The following PABIR3 variants were observed in gnomAD, a reference collection of about 807,000 sequenced individuals.
PABIR3 encodes the protein PABIR family member 3.
Under a neutral mutation model 23.1 loss-of-function variants are expected in PABIR3, and 20 were observed. The observed-to-expected ratio is 0.86, with a 90% confidence interval of 0.61 to 1.26. The LOEUF is 1.26. Ranked by LOEUF, PABIR3 falls within the 50% of genes most tolerant of loss-of-function variation. PABIR3 has a pLI of 0.00. For synonymous variants in PABIR3, 69 were observed against 68.5 expected (o/e 1.01, Z -0.04); for missense variants, 189 against 195.4 (o/e 0.97, Z 0.20).
chrX:134,847,815 A>C lies in PABIR3; in HGVS notation c.439-68A>C, dbSNP rs2082484410. The C allele has an allele frequency of 6.5e-6, 6 of 918,516 alleles. No homozygotes were observed. The Admixed American group carries it at 1.6e-4, about 24-fold the overall frequency. The allele number at this position is 918,516 out of a possible 1,213,427, so 75.7% of individuals were successfully genotyped here. A position where few individuals can be genotyped will look rare whatever the true frequency, so the allele number is the denominator to read the frequency against. On this transcript the variant is annotated intron_variant, in intron 7 of 10. Transcript: ENST00000645433. ...CTCCCTACCATCCCTGCCCCTCCCT[A>C]GGAAACCAATGATCTGCTTTCCGAG...
downstream of PABIR3, among the ~76,000 whole-genome samples, chrX:134,857,212 A>G (rs950107112): frequency 1.8e-4 from 20 of 111,517 alleles, no homozygotes; most frequent in Non-Finnish European, 5.7e-5. Context: ...TCAAGGAGTC[A>G]CCTGGGTTGG....
chrX:134,838,524 C>T (rs1386941201), intron 4 of PABIR3, among the ~76,000 whole-genome samples: 1 of 108,671 alleles, frequency 9.2e-6, no homozygotes, highest in Non-Finnish European at 1.9e-5. Context: ...AGGATGGTCT[C>T]GATCTCCTGA....
At chrX:134,798,782 G>A (rs1171992871) in intron 1 of PABIR3, among the ~76,000 whole-genome samples, 1 of 112,189 alleles carries the variant, frequency 8.9e-6, no homozygotes, top group African/African-American at 3.2e-5. Flanking sequence ...GTGACCAGCC[G>A]AATCCAGGGG....
chrX:134,815,682 T>C (rs1322686082), intron 3 of PABIR3, among the ~76,000 whole-genome samples: 1 of 109,297 alleles, frequency 9.1e-6, no homozygotes, highest in South Asian at 4.0e-4. Context: ...CTTTTCTTTT[T>C]TTTTTTCTTT....
At chrX:134,815,536 G>C (rs1175319351) in intron 3 of PABIR3, among the ~76,000 whole-genome samples, 1 of 111,629 alleles carries the variant, frequency 9.0e-6, no homozygotes, top group Non-Finnish European at 1.9e-5. Context: ...CCTCTCTCTA[G>C]TTTCTAAAGT....
chrX:134,812,115 ACTT>A (rs1234476789), intron 2 of PABIR3, among the ~76,000 whole-genome samples: 3 of 112,676 alleles, frequency 2.7e-5, no homozygotes, highest in South Asian at 3.6e-4. Flanking sequence ...CAGTTATACT[ACTT>A]CTGCTTTTTC....
At chrX:134,828,047 C>CTATATATATATATATA (rs61129426) in intron 3 of PABIR3, among the ~76,000 whole-genome samples, 1 of 49,409 alleles carries the variant, frequency 2.0e-5, no homozygotes, top group South Asian at 1.7e-3. Flanking sequence ...CTCTCTCTCT[C>CTATATATATATATATA]TATATATATA....
chrX:134,798,255 G>T (rs1215405624), intron 1 of PABIR3, among the ~76,000 whole-genome samples: 1 of 112,506 alleles, frequency 8.9e-6, no homozygotes, highest in Non-Finnish European at 1.9e-5. Flanking sequence ...AGAAATTTAC[G>T]GAGACAGTCA....
chrX:134,855,205 C>T (rs761761616), downstream of PABIR3, among the ~76,000 whole-genome samples: 1 of 110,287 alleles, frequency 9.1e-6, no homozygotes, highest in East Asian at 2.9e-4. Flanking sequence ...GAGGCCAAGG[C>T]GGGTGGATCA....
upstream of PABIR3, among the ~76,000 whole-genome samples, chrX:134,803,910 T>TG (rs2148063103): frequency 9.0e-6 from 1 of 110,524 alleles, no homozygotes; most frequent in African/African-American, 3.3e-5. Context: ...TGCTAGTTTT[T>TG]TTTTTTTTTT....
At chrX:134,860,220 TG>T in the PABIR3 span, among the ~76,000 whole-genome samples, 1 of 110,724 alleles carries the variant, frequency 9.0e-6, no homozygotes, top group African/African-American at 3.3e-5. Flanking sequence ...GTCTTCTGAG[TG>T]GGACTACAGA....
chrX:134,798,993 C>T (rs1377212859), intron 1 of PABIR3, among the ~76,000 whole-genome samples: 1 of 112,021 alleles, frequency 8.9e-6, no homozygotes, highest in African/African-American at 3.2e-5. Context: ...ATTTAGTTAG[C>T]CTGGAAGTTA....
chrX:134,799,100 G>A (rs2079991841), intron 1 of PABIR3, among the ~76,000 whole-genome samples: 1 of 111,645 alleles, frequency 9.0e-6, no homozygotes, highest in Non-Finnish European at 1.9e-5. Context: ...TAGGAAAAGC[G>A]TGAAAAGTTT....
intron 3 of PABIR3, among the ~76,000 whole-genome samples, chrX:134,828,047 C>CTCTCTATATA (rs1466733144): frequency 6.1e-5 from 3 of 49,409 alleles, no homozygotes; most frequent in African/African-American, 8.2e-5. Flanking sequence ...CTCTCTCTCT[C>CTCTCTATATA]TATATATATA....
intron 4 of PABIR3, chrX:134,844,231 G>C (rs182236232): frequency 9.0e-6 from 1 of 111,447 alleles, no homozygotes; most frequent in East Asian, 2.8e-4. Context: ...ACACTGTTTT[G>C]ACTATGTAGT....
intron 8 of PABIR3, among the ~76,000 whole-genome samples, chrX:134,848,235 A>G (rs1331316939): frequency 4.5e-5 from 5 of 110,380 alleles, no homozygotes; most frequent in African/African-American, 6.6e-5. Flanking sequence ...TACTAAAAAT[A>G]CAAAAATAGC....
chrX:134,796,678 A>C (rs1246960469), upstream of PABIR3: 2 of 106,631 alleles, frequency 1.9e-5, no homozygotes, highest in Non-Finnish European at 3.8e-5. Context: ...AAGGGAAAAG[A>C]AGCGCAGGGG....
At chrX:134,839,971 G>A (rs868118505) in intron 4 of PABIR3, among the ~76,000 whole-genome samples, 29 of 112,727 alleles carry the variant, frequency 2.6e-4, no homozygotes, top group African/African-American at 9.0e-4. Flanking sequence ...CCGTGTCTGT[G>A]TAGAAAGAAG....
At chrX:134,828,756 C>T (rs1379003754) in intron 3 of PABIR3, among the ~76,000 whole-genome samples, 3 of 112,026 alleles carry the variant, frequency 2.7e-5, no homozygotes, top group African/African-American at 9.7e-5. Flanking sequence ...GGTTTCCCAG[C>T]TAGATTCCAG....
Sources: allele counts gnomAD v4.1 joint callset (sites outside exome capture counted in the v4.1 genomes callset), GRCh38; gene constraint gnomAD v4.1.1; transcripts MANE v1.5; gene names NCBI Gene and HGNC (gene_info 2026-07-23, HGNC 2026-07-21).